Variants in SPECC1L observed in about 807,000 individuals in gnomAD.
The protein encoded by SPECC1L is cytospin-A.
SPECC1L carries 40 observed loss-of-function variants against 116.8 expected under a neutral mutation model. The observed-to-expected ratio is 0.34, with a 90% CI of 0.27 to 0.45. SPECC1L has a LOEUF of 0.45. Ranked by LOEUF, SPECC1L falls within the 20% of genes least tolerant of loss-of-function variation. The pLI, the probability that SPECC1L is intolerant of heterozygous loss-of-function variation, is 1.00. For missense variants in SPECC1L, 1,110 were observed against 1,373.6 expected (o/e 0.81, Z 3.03); for synonymous variants, 504 against 500.6 (o/e 1.01, Z -0.09).
intron 11 of SPECC1L, among the ~76,000 whole-genome samples, chr22:24,347,436 C>T (rs924361517): frequency 2.0e-5 from 3 of 152,182 alleles, no homozygotes; most frequent in East Asian, 3.9e-4. Context: ...CACAGTTCCT[C>T]ATGGCATATG....
chr22:24,374,254 C>T (rs1033628039), intron 14 of SPECC1L, among the ~76,000 whole-genome samples: 2 of 151,888 alleles, frequency 1.3e-5, no homozygotes, highest in Non-Finnish European at 2.9e-5. Context: ...CCATTTGACC[C>T]AGCCATCCCA....
chr22:24,363,059 T>C (rs1244350836), intron 11 of SPECC1L, among the ~76,000 whole-genome samples: 2 of 152,174 alleles, frequency 1.3e-5, no homozygotes, highest in Admixed American at 6.5e-5. Flanking sequence ...AGATAAAACA[T>C]TGAATGGAAT....
intron 1 of SPECC1L, among the ~76,000 whole-genome samples, chr22:24,271,352 C>T (rs2048723032): frequency 6.6e-6 from 1 of 152,252 alleles, no homozygotes; most frequent in Admixed American, 6.5e-5. Context: ...GCTGGGGCTG[C>T]CGCCCCATCG....
chr22:24,404,675 G>C (rs1238746765), intron 14 of SPECC1L, among the ~76,000 whole-genome samples: 9 of 152,072 alleles, frequency 5.9e-5, no homozygotes, highest in Admixed American at 3.9e-4. Context: ...CCCTCCCCCT[G>C]CTCCTGGCTG....
At chr22:24,373,430 T>C (rs897498851) in intron 14 of SPECC1L, among the ~76,000 whole-genome samples, 4 of 152,176 alleles carry the variant, frequency 2.6e-5, no homozygotes, top group Non-Finnish European at 4.4e-5. Context: ...AATAGAGATA[T>C]AGACCAATGG....
At chr22:24,320,916 T>C (rs1281428122) in intron 4 of SPECC1L, among the ~76,000 whole-genome samples, 1 of 152,216 alleles carries the variant, frequency 6.6e-6, no homozygotes, top group Non-Finnish European at 1.5e-5. Context: ...TGGAGTCATC[T>C]TCACCTGTCT....
intron 15 of SPECC1L, chr22:24,412,295 AC>A: frequency 2.5e-6 from 1 of 392,190 alleles, no homozygotes; most frequent in Non-Finnish European, 4.9e-6. Context: ...CCTGCAGACA[AC>A]CCTCGAAGAT....
At chr22:24,366,751 A>G (rs2041774894) in intron 13 of SPECC1L, among the ~76,000 whole-genome samples, 1 of 152,178 alleles carries the variant, frequency 6.6e-6, no homozygotes, top group Non-Finnish European at 1.5e-5. Flanking sequence ...AATAATTGAT[A>G]AAAAGTACAT....
chr22:24,323,211 T>C (rs1171683088), intron 5 of SPECC1L: 3 of 652,820 alleles, frequency 4.6e-6, no homozygotes, highest in Non-Finnish European at 5.7e-6. Context: ...AGTATTCCTA[T>C]GGAGCGGGTC....
At chr22:24,281,573 T>C (rs115621682) in intron 2 of SPECC1L, among the ~76,000 whole-genome samples, 8 of 152,236 alleles carry the variant, frequency 5.3e-5, no homozygotes, top group Non-Finnish European at 7.3e-5. Flanking sequence ...TATATTTTGA[T>C]ACTGTGAATT....
At position 24,383,879 on chromosome 22, in the gene SPECC1L, C is replaced by T. The variant is rs1309679423; in HGVS notation, c.3087+14559C>T. On this transcript the variant is annotated intron_variant, in intron 14 of 16. Transcript: ENST00000314328. ...TGTTGTCCAGGCTGGTCTCGAACTCCAGACCTCAGGTGATCCGCCCACCTG... is the reference window on the plus strand; with the variant it reads ...TGTTGTCCAGGCTGGTCTCGAACTCTAGACCTCAGGTGATCCGCCCACCTG... 4.3e-5 allele frequency among the ~76,000 whole-genome samples: 6 copies of T among 139,526 alleles called. No individual in the cohort carries two copies. In the Admixed American group the frequency reaches 4.6e-4, roughly 11 times the overall value. 91.5% of individuals were successfully genotyped at this position (139,526 alleles called of 152,430 possible). A position where few individuals can be genotyped will look rare whatever the true frequency, so the allele number is the denominator to read the frequency against.
In SPECC1L at chr22:24,338,472, A is replaced by G. The variant is rs1432079552; in HGVS notation, c.2647A>G (p.Met883Val). Reference sequence around the variant, plus strand: ...CCCTCCTGCAGCAGCTGTGTCCCCTATGCAGGTGAGTGCCTGGAACCACAG... The same window carrying G: ...CCCTCCTGCAGCAGCTGTGTCCCCTGTGCAGGTGAGTGCCTGGAACCACAG... The part of the protein sequence containing the change: ...KTPPAAAVSP[M>V]QRHSISGPIS... Residue 883 changes from methionine (M) to valine (V), a missense_variant, in exon 10 of 17, where the codon ATG becomes GTG. Met to Val is a conservative substitution (Grantham distance 21). Around this residue, in one of 4 missense-constraint regions of SPECC1L, gnomAD observed 575 missense variants for 682.4 expected, o/e 0.84. Coordinates refer to ENST00000314328, the MANE Select transcript of SPECC1L (RefSeq NM_015330.6). 4 of 1,613,768 alleles carry G rather than the reference A, an allele frequency of 2.5e-6. No homozygotes were observed. Among genetic ancestry groups the G allele is most frequent in the South Asian group, 2.2e-5 (2 of 91,070 alleles).
chr22:24,282,554 AT>A (rs2048963721), intron 2 of SPECC1L, among the ~76,000 whole-genome samples: 1 of 152,168 alleles, frequency 6.6e-6, no homozygotes, highest in Admixed American at 6.5e-5. Context: ...TTTTGATCCT[AT>A]GGGGAAAATA....
At chr22:24,347,486 G>T (rs1454706749) in intron 11 of SPECC1L, among the ~76,000 whole-genome samples, 1 of 152,078 alleles carries the variant, frequency 6.6e-6, no homozygotes, top group Non-Finnish European at 1.5e-5. Flanking sequence ...CAAAAATGAG[G>T]CTTAAAGAAG....
At position 24,412,511 on chromosome 22, in the gene SPECC1L, C is replaced by G; in HGVS notation, c.3205-137C>G. 3.7e-6 allele frequency: 3 copies of G among 804,846 alleles called. No homozygotes were observed. In the Admixed American group the frequency reaches 5.9e-5, roughly 16 times the overall value. 49.9% of individuals were successfully genotyped at this position (804,846 alleles called of 1,614,324 possible). A position where few individuals can be genotyped will look rare whatever the true frequency, so the allele number is the denominator to read the frequency against. ...TGGTGCAGATGCAGAAGCTCAGGCT[C>G]CCAGCATAGGTTTGTTGTGGCACCA... On this transcript the variant is annotated intron_variant, in intron 15 of 16. Coordinates refer to ENST00000314328, the MANE Select transcript of SPECC1L (RefSeq NM_015330.6).
At chr22:24,380,343 A>G (rs556798067) in intron 14 of SPECC1L, among the ~76,000 whole-genome samples, 3 of 152,310 alleles carry the variant, frequency 2.0e-5, no homozygotes, top group African/African-American at 7.2e-5. Flanking sequence ...GACTACTCAC[A>G]GTCTGCAGAA....
intron 14 of SPECC1L, among the ~76,000 whole-genome samples, chr22:24,384,540 G>A (rs1411000888): frequency 6.6e-6 from 1 of 152,144 alleles, no homozygotes; most frequent in African/African-American, 2.4e-5. Flanking sequence ...TTAGGAGGGG[G>A]ACAGTAAATG....
intron 9 of SPECC1L, among the ~76,000 whole-genome samples, chr22:24,336,542 T>C (rs1226544215): frequency 4.6e-5 from 7 of 152,122 alleles, no homozygotes; most frequent in Admixed American, 6.6e-5. Flanking sequence ...TAATAGCCAC[T>C]GTACTCTAGC....
chr22:24,329,368 A>G (rs1009296874), intron 7 of SPECC1L, among the ~76,000 whole-genome samples: 6 of 152,242 alleles, frequency 3.9e-5, no homozygotes, highest in South Asian at 2.1e-4. Flanking sequence ...TTAGAAAGAT[A>G]GATTTGGGGA....
Sources: gnomAD v4.1 joint callset for allele counts (sites outside exome capture counted in the v4.1 genomes callset) on GRCh38, gnomAD v4.1.1 for gene constraint, gnomAD v4.1.1 regional missense constraint, MANE v1.5 for transcripts, NCBI Gene and HGNC (gene_info 2026-07-23, HGNC 2026-07-21) for gene names.